NGFR: variants seen among roughly 807,000 people sequenced by gnomAD.
The protein encoded by NGFR is tumor necrosis factor receptor superfamily member 16.
A neutral mutation model predicts 43.2 loss-of-function variants in NGFR; 30 were observed. The observed-to-expected ratio is 0.69, with a 90% CI of 0.52 to 0.94. The LOEUF is 0.94. Ranked by LOEUF, NGFR falls within the 40% of genes least tolerant of loss-of-function variation. The pLI is 0.00. For missense variants in NGFR, 529 were observed against 602.5 expected (o/e 0.88, Z 1.28); for synonymous variants, 246 against 259.6 (o/e 0.95, Z 0.50).
intron 1 of NGFR, among the ~76,000 whole-genome samples, chr17:49,500,303 T>G (rs1296954552): frequency 2.6e-5 from 4 of 152,154 alleles, no homozygotes; most frequent in Admixed American, 2.6e-4. Flanking sequence ...CAACAGTCGC[T>G]CTCCCAGAGT....
intron 4 of NGFR, 67 bp from the exon 5 acceptor site, chr17:49,511,825 G>A: frequency 6.8e-7 from 1 of 1,463,156 alleles, no homozygotes; most frequent in Non-Finnish European, 9.1e-7. Flanking sequence ...GCAGAGCACA[G>A]ATACTCAGCT....
At chr17:49,496,307 T>C (rs761169805) in intron 1 of NGFR, 2 of 152,192 alleles carry the variant, frequency 1.3e-5, no homozygotes, top group East Asian at 1.9e-4. Flanking sequence ...AGTCCCGGAA[T>C]TGGGGCTGCG....
chr17:49,503,876 AC>A (rs1322672691), intron 2 of NGFR, among the ~76,000 whole-genome samples: 1 of 152,118 alleles, frequency 6.6e-6, no homozygotes, highest in Non-Finnish European at 1.5e-5. Flanking sequence ...AATGATGGGA[AC>A]CCTTTCCCTT....
intron 2 of NGFR, among the ~76,000 whole-genome samples, chr17:49,504,765 C>CTTTT (rs2071186482): frequency 1.4e-5 from 1 of 70,962 alleles, no homozygotes; most frequent in African/African-American, 6.8e-5. Flanking sequence ...TTCTTTCTTT[C>CTTTT]TTTCTTTTTT....
At position 49,510,555 on chromosome 17, in the gene NGFR, A is replaced by G. The variant is rs781019314; in HGVS notation, c.712A>G (p.Ser238Gly). Residue 238 changes from serine to glycine, a missense_variant, in exon 4 of 6, where the codon AGC (serine) becomes GGC (glycine). Transcript: ENST00000172229. ...VAGVVTTVMG[S>G]SQPVVTRGTT... ...AGGTGTGGTGACCACAGTGATGGGC[A>G]GCTCCCAGCCCGTGGTGACCCGAGG... 13 of 1,613,946 alleles carry G rather than the reference A, an allele frequency of 8.1e-6. No individual in the cohort carries two copies. In the East Asian group the frequency reaches 2.5e-4, roughly 30 times the overall value.
intron 4 of NGFR, among the ~76,000 whole-genome samples, chr17:49,511,656 G>A (rs2071233238): frequency 6.6e-6 from 1 of 152,106 alleles, no homozygotes; most frequent in Non-Finnish European, 1.5e-5. Context: ...CACTTTTGCT[G>A]CACTGCTCAT....
intron 3 of NGFR, 117 bp from the exon 4 acceptor site, chr17:49,510,295 T>C (rs1229283294): frequency 2.1e-6 from 3 of 1,455,838 alleles, no homozygotes; most frequent in East Asian, 2.3e-5. Flanking sequence ...GCATAACAGC[T>C]GGGCACAAGA....
Position 49,502,135 on chromosome 17 carries a change from T to G in NGFR, c.139T>G (p.Cys47Gly), listed in dbSNP as rs1426143210. Residue 47 changes from cysteine (C) to glycine (G), a missense_variant, in exon 2 of 6, where the codon TGC becomes GGC. Coordinates refer to ENST00000172229, the MANE Select transcript of NGFR (RefSeq NM_002507.4). ...ACACAGCGGTGAGTGCTGCAAAGCC[T>G]GCAACCTGGGCGAGGGTGTGGCCCA... ...YTHSGECCKACNLGEGVAQPC... is the reference protein window; with the variant it reads ...YTHSGECCKAGNLGEGVAQPC... 6.2e-7 allele frequency: 1 copy of G among 1,612,686 alleles called. No homozygotes were observed. Among genetic ancestry groups the G allele is most frequent in the East Asian group, 2.2e-5 (1 of 44,840 alleles).
rs1383645874 is a variant in NGFR at position 49,511,956 on chromosome 17, C to T, written c.886C>T (p.Pro296Ser). 4 of 1,613,404 alleles carry T rather than the reference C, an allele frequency of 2.5e-6. No individual in the cohort carries two copies. In the African/African-American group the frequency reaches 4.0e-5, roughly 16 times the overall value. ...NSRPVNQTPP[P>S]EGEKLHSDSG... ...CCGGCCAGTGAACCAGACGCCCCCA[C>T]CAGAGGGAGAAAAACTCCACAGCGA... Residue 296 changes from proline to serine, a missense_variant, in exon 5 of 6, where the codon CCA becomes TCA. Pro to Ser is a moderately conservative substitution (Grantham distance 74). Transcript: ENST00000172229.
At chr17:49,502,819 C>T (rs1232262633) in intron 2 of NGFR, among the ~76,000 whole-genome samples, 12 of 87,614 alleles carry the variant, frequency 1.4e-4, no homozygotes, top group African/African-American at 6.0e-4. Context: ...GGGATTTCTT[C>T]CTTCCTTCCT....
In NGFR at chr17:49,512,895, G is replaced by T; in HGVS notation, c.1170G>T (p.Trp390Cys). 1 of 1,612,836 alleles carries T rather than the reference G, an allele frequency of 6.2e-7. No individual in the cohort carries two copies. The highest frequency in any genetic ancestry group is 8.5e-7 in the Non-Finnish European group (1 of 1,179,726). Reference sequence around the variant, plus strand: ...CCGTTCGCGCCCTGCTTGCAAGCTGGGCCACCCAGGACAGCGCCACACTGG... The same window carrying T: ...CCGTTCGCGCCCTGCTTGCAAGCTGTGCCACCCAGGACAGCGCCACACTGG... ...ACPVRALLAS[W>C]ATQDSATLDA... Residue 390 changes from tryptophan (W) to cysteine (C), a missense_variant, in exon 6 of 6, where the codon TGG (tryptophan) becomes TGT (cysteine). Trp to Cys is a radical substitution (Grantham distance 215). Transcript: ENST00000172229. This position sits in a 1 kb window ranked among gnomAD's most constrained non-coding sequence, Gnocchi z 5.2.
At chr17:49,502,000 A>AGGGGCCCCCCCCCCC in intron 1 of NGFR, 63 bp from the exon 2 acceptor site, 7 of 264,886 alleles carry the variant, frequency 2.6e-5, no homozygotes, top group Non-Finnish European at 5.5e-5. Context: ...CCCCGGAAGA[A>AGGGGCCCCCCCCCCC]CCCCCCCCAA....
In NGFR at chr17:49,495,698, C is replaced by G; in HGVS notation, c.66+215C>G. 1 of 403,728 alleles carries G rather than the reference C, an allele frequency of 2.5e-6. No individual in the cohort carries two copies. Among genetic ancestry groups the G allele is most frequent in the Non-Finnish European group, 4.2e-6 (1 of 236,418 alleles). 25.0% of individuals were successfully genotyped at this position (403,728 alleles called of 1,614,324 possible). A position where few individuals can be genotyped will look rare whatever the true frequency, so the allele number is the denominator to read the frequency against. On this transcript the variant is annotated intron_variant, in intron 1 of 5. Transcript: ENST00000172229. This position sits in a 1 kb window ranked among gnomAD's most constrained non-coding sequence, Gnocchi z 6.4. ...TCCAGGGTGGAGATGAGGGCAAGAC[C>G]GGAGCACGGATGCCGGTCCTCAGGT...
chr17:49,500,216 G>C (rs779184913), intron 1 of NGFR, among the ~76,000 whole-genome samples: 16 of 152,334 alleles, frequency 1.1e-4, no homozygotes, highest in Admixed American at 5.9e-4. Context: ...CCAGAGACAG[G>C]GAAGGGTGCA....
At chr17:49,507,825 A>C (rs1485629232) in intron 3 of NGFR, among the ~76,000 whole-genome samples, 2 of 152,192 alleles carry the variant, frequency 1.3e-5, no homozygotes, top group Non-Finnish European at 2.9e-5. Flanking sequence ...CAGTCTAATG[A>C]GAGAGACGTG....
At chr17:49,504,508 T>C (rs1385059928) in intron 2 of NGFR, among the ~76,000 whole-genome samples, 1 of 152,250 alleles carries the variant, frequency 6.6e-6, no homozygotes, top group African/African-American at 2.4e-5. Flanking sequence ...GAATTTCATT[T>C]ATTCCTCACT....
At chr17:49,509,433 G>A (rs543188539) in intron 3 of NGFR, among the ~76,000 whole-genome samples, 34 of 152,310 alleles carry the variant, frequency 2.2e-4, no homozygotes, top group African/African-American at 7.9e-4. Context: ...TCCCCAGGCC[G>A]TCCAGAGCCC....
In NGFR at chr17:49,500,664, A is replaced by T. The variant is rs1353795486; in HGVS notation, c.67-1399A>T. Among the ~76,000 whole-genome samples, 5 of 152,220 alleles carry T rather than the reference A, an allele frequency of 3.3e-5. No homozygotes were observed. The East Asian group carries it at 7.7e-4, about 24-fold the overall frequency. ...TCTTGAGGGAAAGCCTGCATCTGGGACCCTGAGGCTCCTGGTCTGCAGATG... is the reference window on the plus strand; with the variant it reads ...TCTTGAGGGAAAGCCTGCATCTGGGTCCCTGAGGCTCCTGGTCTGCAGATG... On this transcript the variant is annotated intron_variant, in intron 1 of 5. Coordinates refer to ENST00000172229, the MANE Select transcript of NGFR (RefSeq NM_002507.4).
rs755900000 is a variant in NGFR, at chr17:49,510,678, C to T, written c.821+14C>T. On this transcript the variant is annotated intron_variant, in intron 4 of 5. Coordinates refer to ENST00000172229, the MANE Select transcript of NGFR (RefSeq NM_002507.4). ...AGCCTTCAAGAGGTAAGAGAGGGCA[C>T]GGTGGCGACAGAGAGGGGAGATGTT... The T allele has an allele frequency of 4.5e-5, 72 of 1,607,690 alleles. 1 individual carries two copies. The highest frequency in any genetic ancestry group is 5.5e-5 in the Non-Finnish European group (65 of 1,174,706).
Sources: allele counts gnomAD v4.1 joint callset (sites outside exome capture counted in the v4.1 genomes callset), GRCh38; gene constraint gnomAD v4.1.1; non-coding constraint Gnocchi (gnomAD v3.1); transcripts MANE v1.5; gene names NCBI Gene and HGNC (gene_info 2026-07-23, HGNC 2026-07-21).